The following NAV3 variants were observed in gnomAD, a reference collection of about 807,000 sequenced individuals.
The protein encoded by NAV3 is neuron navigator 3.
A neutral mutation model predicts 244.7 loss-of-function variants in NAV3; 87 were observed. That is an observed-to-expected ratio of 0.36 (90% CI 0.30 to 0.42). NAV3 has a LOEUF of 0.42. NAV3 is among the 20% of genes least tolerant of loss of function. The pLI, the probability that NAV3 is intolerant of heterozygous loss-of-function variation, is 1.00. For synonymous variants in NAV3, 1,126 were observed against 1,042.2 expected (o/e 1.08, Z -1.55); for missense variants, 2,663 against 2,893.3 (o/e 0.92, Z 1.83).
At chr12:77,961,040 GTATATA>G (rs1891889390) in intron 3 of NAV3, among the ~76,000 whole-genome samples, 1 of 131,136 alleles carries the variant, frequency 7.6e-6, no homozygotes, top group Admixed American at 7.8e-5. Context: ...ACGCATATAT[GTATATA>G]TGTATATGTT....
chr12:77,864,266 T>C (rs1345099308), intron 1 of NAV3, among the ~76,000 whole-genome samples: 2 of 151,948 alleles, frequency 1.3e-5, no homozygotes, highest in African/African-American at 4.8e-5. Context: ...GTCCCTCATC[T>C]TCTCAGCAGT....
chr12:77,801,200 C>T (rs1416661709), intron 2 of NAV3, among the ~76,000 whole-genome samples: 2 of 152,074 alleles, frequency 1.3e-5, no homozygotes, highest in East Asian at 3.9e-4. Context: ...GGACAGCAAC[C>T]TGGCAGAGTG....
At position 78,199,439 on chromosome 12, in the gene NAV3, A is replaced by C. The variant is rs746438796; in HGVS notation, c.6623A>C (p.Asn2208Thr). 3.1e-6 allele frequency: 5 copies of C among 1,610,520 alleles called. No individual in the cohort carries two copies. Among genetic ancestry groups the C allele is most frequent in the Non-Finnish European group, 4.2e-6 (5 of 1,178,558 alleles). Reference protein sequence around the residue: ...EIEIERNIRNNDLVKIIDWIP... With the variant: ...EIEIERNIRNTDLVKIIDWIP... ...GAAATTGAAAGGAACATTCGCAATAATGACCTAGTCAAAATTATAGATTGG... is the reference window on the plus strand; with the variant it reads ...GAAATTGAAAGGAACATTCGCAATACTGACCTAGTCAAAATTATAGATTGG... The change falls in exon 37 of 40, where the codon AAT becomes ACT. Residue 2208 changes from asparagine to threonine, a missense_variant. Physicochemically the swap from Asn to Thr is moderately conservative, Grantham distance 65 (BLOSUM62 0). This residue lies in a region of NAV3 where 543 missense variants were observed against 672.4 expected (regional missense o/e 0.81). Coordinates refer to ENST00000397909, the MANE Select transcript of NAV3 (RefSeq NM_001024383.2).
At chr12:77,619,289 A>C (rs904859662) in intron 2 of NAV3, among the ~76,000 whole-genome samples, 12 of 152,222 alleles carry the variant, frequency 7.9e-5, no homozygotes, top group African/African-American at 2.9e-4. Context: ...ATATTTAAAA[A>C]ATAACTTATG....
At chr12:77,748,639 A>C (rs2135791227) in intron 2 of NAV3, among the ~76,000 whole-genome samples, 2 of 152,294 alleles carry the variant, frequency 1.3e-5, no homozygotes, top group East Asian at 3.9e-4. Flanking sequence ...ATCAGGCAGG[A>C]AAAGACAAAC....
At chr12:77,617,001 CTAAA>C (rs1296501158) in intron 2 of NAV3, among the ~76,000 whole-genome samples, 1 of 152,128 alleles carries the variant, frequency 6.6e-6, no homozygotes, top group African/African-American at 2.4e-5. Context: ...TGACATGATA[CTAAA>C]TAGTCACTTA....
chr12:78,015,928 A>AT (rs1876124805), intron 8 of NAV3, among the ~76,000 whole-genome samples: 1 of 152,092 alleles, frequency 6.6e-6, no homozygotes, highest in Admixed American at 6.6e-5. Context: ...TGTATGGACA[A>AT]ATAGATTTCT....
chr12:77,985,207 A>G (rs1303006408), intron 5 of NAV3, among the ~76,000 whole-genome samples: 2 of 152,204 alleles, frequency 1.3e-5, no homozygotes, highest in African/African-American at 4.8e-5. Flanking sequence ...GCTTTAACCA[A>G]ATTTTTCCAA....
rs151019049 is a variant in NAV3 at position 78,145,461 on chromosome 12, C to T, written c.4684-908C>T. Among the ~76,000 whole-genome samples the T allele has an allele frequency of 2.0e-3, 305 of 152,220 alleles. 1 individual carries two copies. Among genetic ancestry groups the T allele is most frequent in the African/African-American group, 6.3e-3 (261 of 41,528 alleles). On this transcript the variant is annotated intron_variant, in intron 20 of 39. Transcript: ENST00000397909. ...CTATACCAAAAGTAGACATAGAAAACGAGAGATTGTTTTTCAGCTTTGGAT... is the reference window on the plus strand; with the variant it reads ...CTATACCAAAAGTAGACATAGAAAATGAGAGATTGTTTTTCAGCTTTGGAT...
At chr12:78,115,190 A>G (rs1040859528) in intron 12 of NAV3, among the ~76,000 whole-genome samples, 4 of 152,120 alleles carry the variant, frequency 2.6e-5, no homozygotes, top group African/African-American at 4.8e-5. Flanking sequence ...TATTTGCAGG[A>G]GCCTTTTAAA....
At chr12:77,713,919 A>T (rs1314353565) in intron 2 of NAV3, among the ~76,000 whole-genome samples, 3 of 152,072 alleles carry the variant, frequency 2.0e-5, no homozygotes, top group Admixed American at 1.3e-4. Context: ...TTCCTGGCAA[A>T]ATTATGTGCC....
At chr12:78,132,986 A>C (rs188507) in intron 18 of NAV3, among the ~76,000 whole-genome samples, 11,452 of 152,216 alleles carry the variant, frequency 0.075, 467 homozygotes, top group African/African-American at 0.088. Context: ...CTGTGATTTT[A>C]TCTTCAGAAT....
At position 77,824,263 on chromosome 12, in the gene NAV3, TTG is replaced by T. The variant is rs1872873768; in HGVS notation, c.73-116054_73-116053del. On this transcript the variant is annotated intron_variant, in intron 2 of 8. Transcript: ENST00000550042. The stretch of plus-strand genomic sequence containing the variant: ...TAAATTTTTTTTTTTTTTTTTTTTT[TTG>T]TATTTTTAGTAGAGACAGGGTTTCA... Among the ~76,000 whole-genome samples, 3 of 148,700 alleles carry T rather than the reference TTG, an allele frequency of 2.0e-5. No homozygotes were observed. The South Asian group carries it at 6.4e-4, about 32-fold the overall frequency.
intron 2 of NAV3, among the ~76,000 whole-genome samples, chr12:77,601,279 GTA>G (rs1325649688): frequency 3.3e-5 from 5 of 151,932 alleles, no homozygotes; most frequent in African/African-American, 9.7e-5. Flanking sequence ...TTGAAACTAA[GTA>G]CTGTGGTTTC....
chr12:77,685,784 T>G (rs1479588887), intron 2 of NAV3, among the ~76,000 whole-genome samples: 1 of 152,188 alleles, frequency 6.6e-6, no homozygotes, highest in Non-Finnish European at 1.5e-5. Flanking sequence ...ATGGGTTCCA[T>G]TAACAGCTTT....
intron 12 of NAV3, among the ~76,000 whole-genome samples, chr12:78,104,506 G>T (rs990564586): frequency 6.6e-6 from 1 of 152,116 alleles, no homozygotes; most frequent in African/African-American, 2.4e-5. Flanking sequence ...ATCCAGGAGT[G>T]AATCCAGAAC....
intron 1 of NAV3, among the ~76,000 whole-genome samples, chr12:77,891,407 T>C (rs915280284): frequency 6.6e-6 from 1 of 151,892 alleles, no homozygotes; most frequent in Non-Finnish European, 1.5e-5. Context: ...TTTCATATTA[T>C]GTTGAACCCA....
intron 2 of NAV3, among the ~76,000 whole-genome samples, chr12:77,707,824 A>G (rs1020418585): frequency 9.9e-5 from 15 of 152,056 alleles, no homozygotes; most frequent in Non-Finnish European, 1.8e-4. Context: ...GAAGGTGAGC[A>G]TTTTTTCATG....
intron 2 of NAV3, among the ~76,000 whole-genome samples, chr12:77,808,522 T>C (rs1005115687): frequency 6.6e-6 from 1 of 152,138 alleles, no homozygotes; most frequent in African/African-American, 2.4e-5. Context: ...ACAGCAAAGA[T>C]TGCTGCCTGT....
Sources: gnomAD v4.1 joint callset for allele counts (sites outside exome capture counted in the v4.1 genomes callset) on GRCh38, gnomAD v4.1.1 for gene constraint, gnomAD v4.1.1 regional missense constraint, MANE v1.5 for transcripts, NCBI Gene and HGNC (gene_info 2026-07-23, HGNC 2026-07-21) for gene names.